RAD50: variants seen among roughly 807,000 people sequenced by gnomAD.
RAD50 encodes DNA repair protein RAD50.
RAD50 carries 132 observed loss-of-function variants against 168.8 expected under a neutral mutation model. The ratio of observed to expected loss-of-function variants is 0.78; its 90% CI spans 0.68 to 0.90. The LOEUF is 0.90. Among genes scored for constraint, RAD50 ranks in the 40% least tolerant of loss-of-function variants. The pLI is 0.00. For synonymous variants in RAD50, 525 were observed against 497.4 expected (o/e 1.06, Z -0.74); for missense variants, 1,347 against 1,534.4 (o/e 0.88, Z 2.04).
chr5:132,575,768 C>G lies in RAD50; in HGVS notation c.214-9C>G, dbSNP rs1750384063. 1 of 1,583,926 alleles carries G rather than the reference C, an allele frequency of 6.3e-7. No homozygotes were observed. The highest frequency in any genetic ancestry group is 8.7e-7 in the Non-Finnish European group (1 of 1,152,574). On this transcript the variant is annotated splice_polypyrimidine_tract_variant and intron_variant, in intron 2 of 24. Coordinates refer to ENST00000378823, the MANE Select transcript of RAD50 (RefSeq NM_005732.4). The stretch of plus-strand genomic sequence containing the variant: ...GTAACATAAGTTTTTTCTGTGTTTT[C>G]CTTCAAAGGTTGCTCAAGAAACAGA...
Position 132,588,041 on chromosome 5 carries a change from G to C in RAD50, c.1003G>C (p.Glu335Gln). The change falls in exon 7 of 25, where the codon GAA (glutamate) becomes CAA (glutamine). Residue 335 changes from glutamate to glutamine, a missense_variant. Glu to Gln is a conservative substitution (Grantham distance 29). Transcript: ENST00000378823. The part of the protein sequence containing the change: ...CHRELEKLNK[E>Q]SRLLNQEKSE... Reference sequence around the variant, plus strand: ...TCGTGAACTGGAAAAACTAAATAAAGAATCTAGGCTTCTCAATCAGGAAAA... The same window carrying C: ...TCGTGAACTGGAAAAACTAAATAAACAATCTAGGCTTCTCAATCAGGAAAA... The C allele has an allele frequency of 6.2e-7, 1 of 1,612,526 alleles. No individual in the cohort carries two copies. The highest frequency in any genetic ancestry group is 8.5e-7 in the Non-Finnish European group (1 of 1,178,768).
chr5:132,561,155 C>T (rs1240394358), intron 2 of RAD50, among the ~76,000 whole-genome samples: 2 of 152,108 alleles, frequency 1.3e-5, no homozygotes, highest in African/African-American at 4.8e-5. Flanking sequence ...TTCTTTCTCA[C>T]TGGCTATACT....
At chr5:132,564,944 C>T (rs1387251745) in intron 2 of RAD50, among the ~76,000 whole-genome samples, 1 of 152,150 alleles carries the variant, frequency 6.6e-6, no homozygotes, top group Non-Finnish European at 1.5e-5. Flanking sequence ...GGAGCCTCCA[C>T]CTAGATTTCA....
At chr5:132,601,514 G>T (rs1254853877) in intron 13 of RAD50, among the ~76,000 whole-genome samples, 1 of 152,036 alleles carries the variant, frequency 6.6e-6, no homozygotes. Context: ...TAGATATTGG[G>T]CACATAATTT....
intron 21 of RAD50, among the ~76,000 whole-genome samples, chr5:132,629,526 C>T (rs1295134110): frequency 6.6e-6 from 1 of 152,116 alleles, no homozygotes; most frequent in African/African-American, 2.4e-5. Flanking sequence ...AGTTCTCTTA[C>T]CTGGTACTCA....
intron 23 of RAD50, among the ~76,000 whole-genome samples, chr5:132,638,563 T>C (rs1751645012): frequency 6.6e-6 from 1 of 152,240 alleles, no homozygotes; most frequent in African/African-American, 2.4e-5. Flanking sequence ...CACTATTTTA[T>C]GTGCCAGCAG....
Position 132,603,494 on chromosome 5 carries a change from G to A in RAD50, c.2397+5G>A. 6 of 1,612,270 alleles carry A rather than the reference G, an allele frequency of 3.7e-6. No individual in the cohort carries two copies. Among genetic ancestry groups the A allele is most frequent in the Non-Finnish European group, 5.1e-6 (6 of 1,178,442 alleles). Reference sequence around the variant, plus strand: ...ACAATTATGGAGAGGTTCCAGGTAAGTTTATTGTAGTTTAAGGCAGAATAA... The same window carrying A: ...ACAATTATGGAGAGGTTCCAGGTAAATTTATTGTAGTTTAAGGCAGAATAA... On this transcript the variant is annotated splice_donor_5th_base_variant and intron_variant, in intron 14 of 24. Transcript: ENST00000378823.
In RAD50 at chr5:132,608,624, G is replaced by C; in HGVS notation, c.2728G>C (p.Glu910Gln). The change falls in exon 17 of 25, where the codon GAG becomes CAG. Residue 910 changes from glutamate to glutamine, a missense_variant. Physicochemically the swap from Glu to Gln is conservative, Grantham distance 29. Around this residue, in one of 3 missense-constraint regions of RAD50, gnomAD observed 635 missense variants for 739.2 expected, o/e 0.86. Transcript: ENST00000378823. ...TTTTTTATATTTTTAGGATGCTAAA[G>C]AGCAGGTAAGCCCTTTGGAAACAAC... ...SLYREIKDAK[E>Q]QVSPLETTLE... is the part of the protein sequence containing the mutation. 2.5e-6 allele frequency: 4 copies of C among 1,586,780 alleles called. No homozygotes were observed. Among genetic ancestry groups the C allele is most frequent in the Non-Finnish European group, 3.4e-6 (4 of 1,166,456 alleles).
chr5:132,637,811 C>T (rs971545038), intron 22 of RAD50, among the ~76,000 whole-genome samples: 2 of 152,062 alleles, frequency 1.3e-5, no homozygotes, highest in Non-Finnish European at 2.9e-5. Context: ...GGTTTACAGG[C>T]GTGAGCCACC....
At chr5:132,619,665 G>A (rs1211052580) in intron 21 of RAD50, among the ~76,000 whole-genome samples, 1 of 151,646 alleles carries the variant, frequency 6.6e-6, no homozygotes, top group Non-Finnish European at 1.5e-5. Flanking sequence ...CAAACATTAT[G>A]CTTATCTTTT....
At chr5:132,559,247 T>C in intron 1 of RAD50, 37 bp from the exon 2 acceptor site, 1 of 1,559,866 alleles carries the variant, frequency 6.4e-7, no homozygotes. Context: ...TCTGTGGTTC[T>C]CTTATAACGA....
At chr5:132,624,167 T>G (rs1751331960) in intron 21 of RAD50, among the ~76,000 whole-genome samples, 1 of 152,216 alleles carries the variant, frequency 6.6e-6, no homozygotes, top group African/African-American at 2.4e-5. Flanking sequence ...CAATGTTCCC[T>G]GGGTCCAAAA....
At position 132,629,609 on chromosome 5, in the gene RAD50, A is replaced by G. The variant is rs1201773627; in HGVS notation, c.3390-7506A>G. On this transcript the variant is annotated intron_variant, in intron 21 of 24. Coordinates refer to ENST00000378823, the MANE Select transcript of RAD50 (RefSeq NM_005732.4). Reference sequence around the variant, plus strand: ...TGAGTCTTTGTGGCTTATGCTCGCAAACAGTGGCCTTCTCAAGATTTATAC... The same window carrying G: ...TGAGTCTTTGTGGCTTATGCTCGCAGACAGTGGCCTTCTCAAGATTTATAC... Among the ~76,000 whole-genome samples, 3 of 152,216 alleles carry G rather than the reference A, an allele frequency of 2.0e-5. 1 individual carries two copies. The highest frequency in any genetic ancestry group is 4.4e-5 in the Non-Finnish European group (3 of 68,034).
At chr5:132,559,828 G>T (rs1750092423) in intron 2 of RAD50, among the ~76,000 whole-genome samples, 2 of 152,126 alleles carry the variant, frequency 1.3e-5, no homozygotes, top group African/African-American at 4.8e-5. Flanking sequence ...AATACTCCCA[G>T]ATAGCTCTAG....
At chr5:132,615,939 C>T in intron 19 of RAD50, 64 bp from the exon 20 acceptor site, 1 of 1,428,412 alleles carries the variant, frequency 7.0e-7, no homozygotes. Flanking sequence ...CACCAGTTGC[C>T]TGTTACAGAT....
At chr5:132,608,355 G>A (rs922231877) in intron 16 of RAD50, among the ~76,000 whole-genome samples, 1 of 152,288 alleles carries the variant, frequency 6.6e-6, no homozygotes, top group Middle Eastern at 3.4e-3. Context: ...GAACTCTGGA[G>A]CTGGACTGGG....
chr5:132,603,395 T>C lies in RAD50; in HGVS notation c.2303T>C (p.Ile768Thr), dbSNP rs1554099100. The C allele has an allele frequency of 5.6e-6, 9 of 1,613,808 alleles. No homozygotes were observed. Among genetic ancestry groups the C allele is most frequent in the Non-Finnish European group, 7.6e-6 (9 of 1,179,818 alleles). Residue 768 changes from isoleucine to threonine, a missense_variant, in exon 14 of 25, where the codon ATA becomes ACA. Physicochemically the swap from Ile to Thr is moderately conservative, Grantham distance 89. This residue lies in a region of RAD50 where 635 missense variants were observed against 739.2 expected (regional missense o/e 0.86). Transcript: ENST00000378823. ...NRDIQRLKND[I>T]EEQETLLGTI... ...GACATACAGCGCCTAAAGAACGACA[T>C]AGAAGAACAAGAAACACTCTTGGGT...
Position 132,640,875 on chromosome 5 carries a change from TCAAAAC to T in RAD50, c.3752+74_3752+79del, listed in dbSNP as rs1026339809. Reference sequence around the variant, plus strand: ...TTTGGGGACAGGTTGTGATAGTTCTTCAAAACCAAGAGAGTTCTGTGATGAAAACGT... The same window carrying T: ...TTTGGGGACAGGTTGTGATAGTTCTTCAAGAGAGTTCTGTGATGAAAACGT... On this transcript the variant is annotated intron_variant, in intron 24 of 24. Transcript: ENST00000378823. 2.9e-5 allele frequency: 47 copies of T among 1,604,736 alleles called. No individual in the cohort carries two copies. In the African/African-American group the frequency reaches 5.5e-4, roughly 19 times the overall value.
intron 13 of RAD50, among the ~76,000 whole-genome samples, chr5:132,599,579 G>C (rs1001993931): frequency 5.3e-5 from 8 of 152,096 alleles, no homozygotes; most frequent in African/African-American, 1.9e-4. Context: ...GATAGATAGG[G>C]TCTTGCTCCT....
Sources: gnomAD v4.1 joint callset for allele counts (sites outside exome capture counted in the v4.1 genomes callset) on GRCh38, gnomAD v4.1.1 for gene constraint, gnomAD v4.1.1 regional missense constraint, MANE v1.5 for transcripts, NCBI Gene and HGNC (gene_info 2026-07-23, HGNC 2026-07-21) for gene names.